The following LRRIQ1 variants were observed in gnomAD, a reference collection of about 807,000 sequenced individuals.
LRRIQ1 encodes the protein leucine rich repeats and IQ motif containing 1.
Under a neutral mutation model 211.9 loss-of-function variants are expected in LRRIQ1, and 210 were observed. The ratio of observed to expected loss-of-function variants is 0.99; its 90% CI spans 0.89 to 1.11. The LOEUF is 1.11. Ranked by LOEUF, LRRIQ1 falls within the 50% of genes most tolerant of loss-of-function variation. The pLI, the probability that LRRIQ1 is intolerant of heterozygous loss-of-function variation, is 0.00. For missense variants in LRRIQ1, 2,136 were observed against 1,939.5 expected, an observed-to-expected ratio of 1.10 and a Z score of -1.90; for synonymous variants, 699 against 650.1, an observed-to-expected ratio of 1.08 and a Z score of -1.14.
chr12:85,119,436 G>A (rs983901169), intron 15 of LRRIQ1, among the ~76,000 whole-genome samples: 1 of 152,092 alleles, frequency 6.6e-6, no homozygotes, highest in Non-Finnish European at 1.5e-5. Context: ...TTGCTTCCAA[G>A]TTTTGGCGAT....
intron 11 of LRRIQ1, among the ~76,000 whole-genome samples, chr12:85,086,932 C>A (rs1416835682): frequency 9.1e-6 from 1 of 109,918 alleles, no homozygotes; most frequent in Non-Finnish European, 1.8e-5. Context: ...TCAGATTGTT[C>A]TTCATTATTA....
At position 85,137,863 on chromosome 12, in the gene LRRIQ1, G is replaced by A. The variant is rs1173969835; in HGVS notation, c.4223G>A (p.Gly1408Asp). 3.8e-6 allele frequency: 6 copies of A among 1,594,644 alleles called. No individual in the cohort carries two copies. Among genetic ancestry groups the A allele is most frequent in the Middle Eastern group, 1.7e-4 (1 of 5,946 alleles). Residue 1408 changes from glycine (G) to aspartate (D), a missense_variant, in exon 19 of 27, where the codon GGC becomes GAC. By Grantham distance (94) the Gly-to-Asp change is moderately conservative. Transcript: ENST00000393217. The stretch of plus-strand genomic sequence containing the variant: ...ATTTTTGTTTAGGCAGTTTGGAAGG[G>A]CTTTATTTTGCGAAAGAAACTGACA... Reference protein sequence around the residue: ...AAILIQAVWKGFILRKKLTTA... With the variant: ...AAILIQAVWKDFILRKKLTTA...
Position 85,038,158 on chromosome 12 carries a change from T to G in LRRIQ1, c.-19T>G. ...CTCTTCATTTTTTAAAGCAGTTCTG[T>G]GCTTTATTATGAAGAATAATGGACG... is the stretch of plus-strand genomic sequence containing the variant. On this transcript the variant is annotated 5_prime_UTR_variant, in exon 2 of 27. Coordinates refer to ENST00000393217, the MANE Select transcript of LRRIQ1 (RefSeq NM_001079910.2). 1 of 1,488,856 alleles carries G rather than the reference T, an allele frequency of 6.7e-7. No homozygotes were observed. Among genetic ancestry groups the G allele is most frequent in the Non-Finnish European group, 9.0e-7 (1 of 1,113,714 alleles). 92.2% of individuals were successfully genotyped at this position (1,488,856 alleles called of 1,614,324 possible).
chr12:85,130,290 C>A (rs1290724588), intron 18 of LRRIQ1, among the ~76,000 whole-genome samples: 1 of 152,068 alleles, frequency 6.6e-6, no homozygotes, highest in African/African-American at 2.4e-5. Flanking sequence ...TTCAAGGAAA[C>A]TCTGAGAAAA....
intron 26 of LRRIQ1, among the ~76,000 whole-genome samples, chr12:85,235,971 G>A (rs1895154704): frequency 6.6e-6 from 1 of 152,128 alleles, no homozygotes; most frequent in South Asian, 2.1e-4. Flanking sequence ...CACAGGAATG[G>A]ATGAATAGAC....
intron 24 of LRRIQ1, among the ~76,000 whole-genome samples, chr12:85,175,563 G>T (rs944244366): frequency 1.3e-5 from 2 of 152,142 alleles, no homozygotes; most frequent in African/African-American, 4.8e-5. Flanking sequence ...ACAATAATAA[G>T]ACATGAAGTC....
chr12:85,239,919 A>G (rs1418727896), intron 26 of LRRIQ1, among the ~76,000 whole-genome samples: 5 of 152,098 alleles, frequency 3.3e-5, no homozygotes, highest in Non-Finnish European at 7.4e-5. Flanking sequence ...CAGACTTTGC[A>G]GTGAACTGAG....
chr12:85,199,518 A>G (rs1220734931), intron 24 of LRRIQ1, among the ~76,000 whole-genome samples: 2 of 152,114 alleles, frequency 1.3e-5, no homozygotes, highest in East Asian at 3.9e-4. Flanking sequence ...GCCTTATAGT[A>G]TAGTTTAAAG....
chr12:85,038,305 T>C lies in LRRIQ1; in HGVS notation c.129T>C (p.Asp43=). ...CAGAAACCCAGAGTGATGATAGTGA[T>C]ACAGTGAGTATTGCACTTTTGAGCC... ...AKSETQSDDS[D]TDSVELPESV... The change falls in exon 2 of 27, where the codon GAT becomes GAC. Residue 43 remains aspartate, a synonymous_variant. Transcript: ENST00000393217. 1 of 1,558,960 alleles carries C rather than the reference T, an allele frequency of 6.4e-7. No homozygotes were observed. Among genetic ancestry groups the C allele is most frequent in the Non-Finnish European group, 8.7e-7 (1 of 1,150,364 alleles).
chr12:85,229,572 G>T lies in LRRIQ1; in HGVS notation c.4878G>T (p.Arg1626=), dbSNP rs368074946. Residue 1626 remains arginine, a synonymous_variant, in exon 25 of 27, where the codon CGG becomes CGT. Transcript: ENST00000393217. ...CCACTGCAAATGAAAAATTAGAACG[G>T]AATAGAGAATATACATACCAATGGC... ...KDTTANEKLE[R]NREYTYQWLH... is the part of the protein sequence containing the mutation. The T allele has an allele frequency of 1.4e-5, 22 of 1,612,450 alleles. No homozygotes were observed. Among genetic ancestry groups the T allele is most frequent in the East Asian group, 2.2e-5 (1 of 44,814 alleles).
intron 1 of LRRIQ1, among the ~76,000 whole-genome samples, chr12:85,258,094 T>C (rs1346706745): frequency 6.6e-6 from 1 of 151,884 alleles, no homozygotes; most frequent in Non-Finnish European, 1.5e-5. Context: ...CAACCCAATG[T>C]GATATGTATT....
At chr12:85,081,204 T>C (rs376677092) in intron 11 of LRRIQ1, among the ~76,000 whole-genome samples, 36 of 152,188 alleles carry the variant, frequency 2.4e-4, no homozygotes, top group African/African-American at 8.0e-4. Flanking sequence ...GCTTTCTTTC[T>C]GAGGATTACT....
At chr12:85,110,875 A>G (rs929605749) in intron 15 of LRRIQ1, among the ~76,000 whole-genome samples, 1 of 152,096 alleles carries the variant, frequency 6.6e-6, no homozygotes, top group Non-Finnish European at 1.5e-5. Context: ...AAGTACTTAC[A>G]GTGGTCAGAG....
At chr12:85,091,007 G>A (rs1885337510) in intron 11 of LRRIQ1, among the ~76,000 whole-genome samples, 2 of 152,126 alleles carry the variant, frequency 1.3e-5, no homozygotes, top group African/African-American at 2.4e-5. Flanking sequence ...GCTTGATGCT[G>A]TCTTTTCAAT....
intron 10 of LRRIQ1, among the ~76,000 whole-genome samples, chr12:85,071,607 A>G (rs1379986033): frequency 6.6e-6 from 1 of 151,998 alleles, no homozygotes; most frequent in Non-Finnish European, 1.5e-5. Context: ...CTTTATATAT[A>G]TTGTGCCTAT....
intron 24 of LRRIQ1, among the ~76,000 whole-genome samples, chr12:85,202,100 C>A (rs998868318): frequency 3.3e-5 from 5 of 151,964 alleles, no homozygotes; most frequent in African/African-American, 1.2e-4. Flanking sequence ...GAGTGATTTT[C>A]TTAGTATTGA....
chr12:85,269,381 G>A (rs1227784908), downstream of LRRIQ1, among the ~76,000 whole-genome samples: 1 of 151,964 alleles, frequency 6.6e-6, no homozygotes, highest in Admixed American at 6.6e-5. Context: ...AGGGGAAATG[G>A]TAATTTAATT....
At chr12:85,264,690 A>G (rs1323408706), downstream of LRRIQ1, among the ~76,000 whole-genome samples, 1 of 152,066 alleles carries the variant, frequency 6.6e-6, no homozygotes, top group Non-Finnish European at 1.5e-5. Context: ...CATTTTAACT[A>G]ATATTTGTTT....
At chr12:85,215,064 C>T (rs980367307) in intron 24 of LRRIQ1, among the ~76,000 whole-genome samples, 1 of 152,086 alleles carries the variant, frequency 6.6e-6, no homozygotes, top group African/African-American at 2.4e-5. Flanking sequence ...AACTCATGAA[C>T]ATATAAACAA....
Sources: gnomAD v4.1 joint callset for allele counts (sites outside exome capture counted in the v4.1 genomes callset) on GRCh38, gnomAD v4.1.1 for gene constraint, MANE v1.5 for transcripts, NCBI Gene and HGNC (gene_info 2026-07-23, HGNC 2026-07-21) for gene names.